The following AKAP13 variants were observed in gnomAD, a reference collection of about 807,000 sequenced individuals.
The protein encoded by AKAP13 is A-kinase anchor protein 13.
Under a neutral mutation model 264.5 loss-of-function variants are expected in AKAP13, and 80 were observed. The ratio of observed to expected loss-of-function variants is 0.30; its 90% CI spans 0.25 to 0.36. The LOEUF is 0.36. AKAP13 is among the 10% of genes least tolerant of loss of function. AKAP13 has a pLI of 1.00. For missense variants in AKAP13, 3,712 were observed against 3,435.2 expected, an observed-to-expected ratio of 1.08 and a Z score of -2.01; for synonymous variants, 1,380 against 1,250.2, an observed-to-expected ratio of 1.10 and a Z score of -2.19.
chr15:85,738,596 T>G (rs1229612778), intron 33 of AKAP13, among the ~76,000 whole-genome samples: 1 of 151,926 alleles, frequency 6.6e-6, no homozygotes, highest in African/African-American at 2.4e-5. Context: ...CCCAGCACTT[T>G]GGGAGGCCGA....
At chr15:85,658,390 T>A in intron 11 of AKAP13, 147 bp from the exon 12 acceptor site, 1 of 574,218 alleles carries the variant, frequency 1.7e-6, no homozygotes, top group Non-Finnish European at 2.9e-6. Flanking sequence ...CTGATGTTTT[T>A]CTCATTCCAC....
chr15:85,629,923 G>C lies in AKAP13; in HGVS notation c.4162-9451G>C, dbSNP rs554737456. On this transcript the variant is annotated intron_variant, in intron 8 of 36. Coordinates refer to ENST00000394518, the MANE Select transcript of AKAP13 (RefSeq NM_007200.5). Reference sequence around the variant, plus strand: ...GCCTCCTGAGTAGCTGGGATTACAGGCGCCCACAACCATGTCCAGCTAATT... The same window carrying C: ...GCCTCCTGAGTAGCTGGGATTACAGCCGCCCACAACCATGTCCAGCTAATT... 2.0e-5 allele frequency among the ~76,000 whole-genome samples: 3 copies of C among 151,642 alleles called. No individual in the cohort carries two copies. In the South Asian group the frequency reaches 6.3e-4, roughly 32 times the overall value.
chr15:85,597,232 C>T (rs2079858228), intron 8 of AKAP13, among the ~76,000 whole-genome samples: 1 of 152,062 alleles, frequency 6.6e-6, no homozygotes. Context: ...AGGCTTGTGC[C>T]CTTTAATTTG....
intron 1 of AKAP13, among the ~76,000 whole-genome samples, chr15:85,397,040 C>T (rs1459257345): frequency 2.5e-5 from 3 of 119,956 alleles, no homozygotes; most frequent in Non-Finnish European, 5.0e-5. Context: ...TTCCCCCCCG[C>T]CCCCCGAGGA....
chr15:85,654,000 A>AG (rs1475931569), intron 10 of AKAP13, among the ~76,000 whole-genome samples: 1 of 152,184 alleles, frequency 6.6e-6, no homozygotes, highest in African/African-American at 2.4e-5. Context: ...TACAGGCATG[A>AG]GCCACTGCGC....
intron 2 of AKAP13, among the ~76,000 whole-genome samples, chr15:85,517,624 C>T (rs902429346): frequency 3.3e-5 from 5 of 152,176 alleles, no homozygotes; most frequent in African/African-American, 1.2e-4. Flanking sequence ...AAAAGTGAGA[C>T]CATGGCTACC....
chr15:85,418,408 G>T (rs991992049), intron 1 of AKAP13, among the ~76,000 whole-genome samples: 2 of 152,120 alleles, frequency 1.3e-5, no homozygotes, highest in Non-Finnish European at 1.5e-5. Flanking sequence ...AAGTCAGTGT[G>T]TGTATTTTAG....
chr15:85,544,252 G>A (rs1247781633), intron 5 of AKAP13: 19 of 493,318 alleles, frequency 3.9e-5, no homozygotes, highest in Non-Finnish European at 7.4e-5. Context: ...CTTGTCTGTG[G>A]AGGTAGCATA....
intron 1 of AKAP13, among the ~76,000 whole-genome samples, chr15:85,430,043 G>A (rs1358738446): frequency 2.6e-5 from 4 of 152,262 alleles, no homozygotes; most frequent in East Asian, 1.9e-4. Flanking sequence ...GTCTGTCTTG[G>A]AATTAATTGT....
chr15:85,587,734 C>G (rs1309256743), intron 8 of AKAP13, among the ~76,000 whole-genome samples: 3 of 152,172 alleles, frequency 2.0e-5, no homozygotes, highest in African/African-American at 7.2e-5. Flanking sequence ...GCAACCTCCA[C>G]CTCCTGGGTT....
chr15:85,474,795 A>T (rs944918944), intron 1 of AKAP13, among the ~76,000 whole-genome samples: 1 of 152,210 alleles, frequency 6.6e-6, no homozygotes, highest in African/African-American at 2.4e-5. Context: ...AGTATTGTGA[A>T]ATTATAACAT....
At chr15:85,613,090 A>G (rs1386497564) in intron 8 of AKAP13, among the ~76,000 whole-genome samples, 1 of 152,188 alleles carries the variant, frequency 6.6e-6, no homozygotes, top group Non-Finnish European at 1.5e-5. Context: ...ATGTTGTTAG[A>G]AGATTCAAAA....
At chr15:85,471,571 TA>T (rs1288639155) in intron 1 of AKAP13, among the ~76,000 whole-genome samples, 8 of 152,224 alleles carry the variant, frequency 5.3e-5, no homozygotes, top group African/African-American at 1.9e-4. Flanking sequence ...TCACCCATTT[TA>T]AGTGCTTAGG....
At chr15:85,640,461 C>A (rs1023041809) in intron 9 of AKAP13, among the ~76,000 whole-genome samples, 2 of 152,170 alleles carry the variant, frequency 1.3e-5, no homozygotes, top group Admixed American at 1.3e-4. Flanking sequence ...AACTCCAGAG[C>A]AGTTTCCTAC....
intron 17 of AKAP13, among the ~76,000 whole-genome samples, chr15:85,700,290 T>A (rs1030498286): frequency 2.6e-5 from 4 of 152,236 alleles, no homozygotes; most frequent in Non-Finnish European, 5.9e-5. Flanking sequence ...ATTTTTGCTT[T>A]CTTGATATGT....
At chr15:85,696,214 A>G (rs543471850) in intron 17 of AKAP13, among the ~76,000 whole-genome samples, 86 of 152,146 alleles carry the variant, frequency 5.7e-4, no homozygotes, top group Non-Finnish European at 8.1e-4. Flanking sequence ...AACTCTCATC[A>G]TTTTCATTTG....
At chr15:85,466,611 A>C (rs1567071707) in intron 1 of AKAP13, among the ~76,000 whole-genome samples, 2 of 152,214 alleles carry the variant, frequency 1.3e-5, no homozygotes, top group Non-Finnish European at 2.9e-5. Context: ...TAAATAGGGA[A>C]GGATCTTAGT....
intron 4 of AKAP13, among the ~76,000 whole-genome samples, chr15:85,540,710 CTA>C (rs1432098360): frequency 6.6e-6 from 1 of 152,200 alleles, no homozygotes; most frequent in Admixed American, 6.5e-5. Context: ...CTAAAGGAAA[CTA>C]AATTCATATA....
At chr15:85,726,864 A>C (rs2087648892) in intron 27 of AKAP13, 1 of 615,548 alleles carries the variant, frequency 1.6e-6, no homozygotes, top group East Asian at 2.8e-5. Flanking sequence ...TTAGAGCCAT[A>C]AATTACTATT....
Sources: gnomAD v4.1 joint callset for allele counts (sites outside exome capture counted in the v4.1 genomes callset) on GRCh38, gnomAD v4.1.1 for gene constraint, MANE v1.5 for transcripts, NCBI Gene and HGNC (gene_info 2026-07-23, HGNC 2026-07-21) for gene names.